The following PLEKHA8 variants were observed in gnomAD, a reference collection of about 807,000 sequenced individuals.
PLEKHA8 encodes the protein pleckstrin homology domain containing A8, also known as pleckstrin homology domain-containing family A member 8.
A neutral mutation model predicts 68.2 loss-of-function variants in PLEKHA8; 36 were observed. The observed-to-expected ratio is 0.53, with a 90% confidence interval of 0.40 to 0.70. The LOEUF is 0.70. PLEKHA8 is among the 30% of genes least tolerant of loss of function. The pLI is 0.00. For missense variants in PLEKHA8, 505 were observed against 615.4 expected (o/e 0.82, Z 1.90); for synonymous variants, 211 against 216.1 (o/e 0.98, Z 0.20).
At chr7:30,041,406 AT>A (rs1791522039) in intron 1 of PLEKHA8, among the ~76,000 whole-genome samples, 1 of 147,768 alleles carries the variant, frequency 6.8e-6, no homozygotes, top group South Asian at 2.1e-4. Context: ...TGCTATTATA[AT>A]TTACCAGCTA....
chr7:30,056,277 A>T (rs1275988968), intron 9 of PLEKHA8, among the ~76,000 whole-genome samples: 26 of 43,520 alleles, frequency 6.0e-4, no homozygotes, highest in Admixed American at 2.0e-3. Context: ...TTAAAGATAT[A>T]TTCTCTCTCT....
intron 13 of PLEKHA8, among the ~76,000 whole-genome samples, chr7:30,107,665 C>A (rs1182807915): frequency 2.0e-5 from 3 of 152,174 alleles, no homozygotes; most frequent in Non-Finnish European, 4.4e-5. Context: ...TAATTACATA[C>A]AATTTTTGCT....
intron 12 of PLEKHA8, among the ~76,000 whole-genome samples, chr7:30,070,007 A>T (rs1226810902): frequency 1.3e-5 from 2 of 152,162 alleles, no homozygotes; most frequent in Non-Finnish European, 2.9e-5. Flanking sequence ...AATGTATTTC[A>T]TTATCTAATC....
intron 13 of PLEKHA8, among the ~76,000 whole-genome samples, chr7:30,128,534 ATTTC>A (rs1327919204): frequency 8.6e-5 from 13 of 151,350 alleles, no homozygotes; most frequent in African/African-American, 3.2e-4. Context: ...GTTTCTTTTT[ATTTC>A]TTTCTCGCTG....
Position 30,054,821 on chromosome 7 carries a change from A to G in PLEKHA8, c.909A>G (p.Glu303=), listed in dbSNP as rs755678091. 4.3e-6 allele frequency: 7 copies of G among 1,611,378 alleles called. No individual in the cohort carries two copies. In the South Asian group the frequency reaches 7.7e-5, roughly 18 times the overall value. ...GCTCTCCGGAATGCCTCTGGGAGGA[A>G]GGCAAAGAAGTTATCCCAACTTTCT... ...SSCSPECLWE[E]GKEVIPTFFS... Residue 303 remains glutamate (E), a synonymous_variant, in exon 8 of 14, where the codon GAA becomes GAG. Transcript: ENST00000449726.
intron 13 of PLEKHA8, 67 bp downstream of exon 13, chr7:30,074,199 C>A: frequency 7.2e-7 from 1 of 1,379,596 alleles, no homozygotes; most frequent in Non-Finnish European, 1.0e-6. Context: ...GGCTAGAAAT[C>A]TCTTCTTACC....
intron 3 of PLEKHA8, 29 bp downstream of exon 3, chr7:30,046,394 A>G (rs1583797788): frequency 6.5e-7 from 1 of 1,533,522 alleles, no homozygotes; most frequent in Non-Finnish European, 8.8e-7. Flanking sequence ...TTGCTGTGGA[A>G]ACCTTGGGAA....
At position 30,070,771 on chromosome 7, in the gene PLEKHA8, C is replaced by T. The variant is rs192865802; in HGVS notation, c.1301-3300C>T. On this transcript the variant is annotated intron_variant, in intron 12 of 13. Coordinates refer to ENST00000449726, the MANE Select transcript of PLEKHA8 (RefSeq NM_001197026.2). Reference sequence around the variant, plus strand: ...GTCTTGTCCAGGCTGGTCTTGAGCTCCCAACCTTGTGATCCACCCGCCTCG... The same window carrying T: ...GTCTTGTCCAGGCTGGTCTTGAGCTTCCAACCTTGTGATCCACCCGCCTCG... 1.7e-3 allele frequency among the ~76,000 whole-genome samples: 257 copies of T among 152,228 alleles called. 1 individual carries two copies. Among genetic ancestry groups the T allele is most frequent in the African/African-American group, 5.9e-3 (244 of 41,546 alleles).
chr7:30,059,207 A>G (rs1164360401), intron 9 of PLEKHA8, among the ~76,000 whole-genome samples: 3 of 152,242 alleles, frequency 2.0e-5, no homozygotes, highest in South Asian at 2.1e-4. Context: ...AGAATGTTCT[A>G]TCTAGTTTTT....
chr7:30,035,694 G>A (rs1175152311), intron 1 of PLEKHA8, among the ~76,000 whole-genome samples: 3 of 151,840 alleles, frequency 2.0e-5, no homozygotes, highest in Non-Finnish European at 4.4e-5. Flanking sequence ...GCCCAGGCTG[G>A]AGTGCAGTGG....
intron 6 of PLEKHA8, 63 bp from the exon 7 acceptor site, chr7:30,052,640 CAAAAAA>C (rs75714651): frequency 2.3e-3 from 2,400 of 1,064,750 alleles, no homozygotes; most frequent in Middle Eastern, 3.5e-3. Context: ...GACCCTGTTT[CAAAAAA>C]AAAAAAAAAA....
chr7:30,082,062 C>T lies in PLEKHA8; in HGVS notation c.*3275C>T, dbSNP rs925365747. On this transcript the variant is annotated 3_prime_UTR_variant, in exon 14 of 14. Coordinates refer to ENST00000449726, the MANE Select transcript of PLEKHA8 (RefSeq NM_001197026.2). ...TCTTGATGTAGCTCTGAAGGGAGTT[C>T]CAGAAGAGGAGCTCTCACAGAATGT... The T allele has an allele frequency of 1.0e-6, 1 of 979,116 alleles. No individual in the cohort carries two copies. The highest frequency in any genetic ancestry group is 1.2e-6 in the Non-Finnish European group (1 of 824,392). The allele number at this position is 979,116 out of a possible 1,614,324, so 60.7% of individuals were successfully genotyped here. A position where few individuals can be genotyped will look rare whatever the true frequency, so the allele number is the denominator to read the frequency against.
intron 13 of PLEKHA8, chr7:30,116,051 C>T (rs1796520655): frequency 7.0e-6 from 1 of 143,036 alleles, no homozygotes; most frequent in Non-Finnish European, 1.5e-5. Flanking sequence ...CATACGCATA[C>T]ATACGTATGC....
chr7:30,125,816 A>G (rs923324743), intron 13 of PLEKHA8, among the ~76,000 whole-genome samples: 3 of 152,036 alleles, frequency 2.0e-5, no homozygotes, highest in Admixed American at 6.6e-5. Context: ...TTATATCTCA[A>G]TTTATTTTTC....
At chr7:30,106,921 T>A (rs955938675) in intron 13 of PLEKHA8, among the ~76,000 whole-genome samples, 1 of 152,182 alleles carries the variant, frequency 6.6e-6, no homozygotes, top group African/African-American at 2.4e-5. Context: ...ATCTTCAGAT[T>A]TTGATACCTG....
At chr7:30,061,693 C>A (rs1472135754) in intron 10 of PLEKHA8, among the ~76,000 whole-genome samples, 1 of 152,142 alleles carries the variant, frequency 6.6e-6, no homozygotes, top group Non-Finnish European at 1.5e-5. Context: ...AAACTTTAAA[C>A]CCTGAGACTA....
rs1796056280 is a variant in PLEKHA8, at chr7:30,106,368, T to G, written c.1363-22898T>G. On this transcript the variant is annotated intron_variant, in intron 13 of 13. Transcript: ENST00000396257. ...CATGAGCCACCATGCCTGGCCATCT[T>G]TAAGTCTTTAAACCATCTGGAAGTT... Among the ~76,000 whole-genome samples, 4 of 152,262 alleles carry G rather than the reference T, an allele frequency of 2.6e-5. No homozygotes were observed. In the South Asian group the frequency reaches 8.3e-4, roughly 32 times the overall value.
At chr7:30,059,202 G>C (rs992424500) in intron 9 of PLEKHA8, among the ~76,000 whole-genome samples, 3 of 152,198 alleles carry the variant, frequency 2.0e-5, no homozygotes, top group Non-Finnish European at 4.4e-5. Context: ...TCTGAAGAAT[G>C]TTCTATCTAG....
rs1794977414 is a variant in PLEKHA8, at chr7:30,082,332, A to G, written c.*3545A>G. On this transcript the variant is annotated 3_prime_UTR_variant, in exon 14 of 14. Transcript: ENST00000449726. ...CAGCACACCAAATCTACCCCCACTT[A>G]TGTTTGTTCTGCCCCATTTCCCAGG... 5.1e-6 allele frequency: 5 copies of G among 985,448 alleles called. No homozygotes were observed. Among genetic ancestry groups the G allele is most frequent in the Non-Finnish European group, 4.8e-6 (4 of 830,032 alleles). The allele number at this position is 985,448 out of a possible 1,614,324, so 61.0% of individuals were successfully genotyped here.
Sources: allele counts gnomAD v4.1 joint callset (sites outside exome capture counted in the v4.1 genomes callset), GRCh38; gene constraint gnomAD v4.1.1; transcripts MANE v1.5; gene names NCBI Gene and HGNC (gene_info 2026-07-23, HGNC 2026-07-21).